Variants in MDGA2 observed in about 807,000 individuals in gnomAD.
MDGA2 encodes MAM domain containing glycosylphosphatidylinositol anchor 2.
A neutral mutation model predicts 117.8 loss-of-function variants in MDGA2; 40 were observed. The ratio of observed to expected loss-of-function variants is 0.34; its 90% CI spans 0.26 to 0.44. The LOEUF is 0.44. MDGA2 is among the 20% of genes least tolerant of loss of function. MDGA2 has a pLI of 1.00. For missense variants in MDGA2, 1,123 were observed against 1,250.6 expected, an observed-to-expected ratio of 0.90 and a Z score of 1.54; for synonymous variants, 452 against 439.0, an observed-to-expected ratio of 1.03 and a Z score of -0.37.
intron 5 of MDGA2, among the ~76,000 whole-genome samples, chr14:47,127,427 A>G (rs1157373547): frequency 6.6e-6 from 1 of 152,154 alleles, no homozygotes. Context: ...TGAAATTCAC[A>G]AACCCTTCCA....
chr14:47,035,471 CTTAA>C (rs1199915107), intron 7 of MDGA2, among the ~76,000 whole-genome samples, 167 bp from the exon 8 acceptor site: 2 of 152,150 alleles, frequency 1.3e-5, no homozygotes, highest in Non-Finnish European at 1.5e-5. Flanking sequence ...GAAAATCATT[CTTAA>C]TTGTTTTCAC....
chr14:47,515,054 C>T (rs562716638), intron 1 of MDGA2, among the ~76,000 whole-genome samples: 2 of 152,248 alleles, frequency 1.3e-5, no homozygotes, highest in Non-Finnish European at 2.9e-5. Context: ...ATAAACTTTA[C>T]TGAATAAACA....
intron 8 of MDGA2, among the ~76,000 whole-genome samples, chr14:47,008,496 T>C (rs1887788421): frequency 6.6e-6 from 1 of 151,870 alleles, no homozygotes; most frequent in African/African-American, 2.4e-5. Flanking sequence ...GTTTCTACAG[T>C]TAAGAAGCAT....
In MDGA2 at chr14:47,314,610, C is replaced by G. The variant is rs752438988; in HGVS notation, c.281-13060G>C. 1.1e-4 allele frequency among the ~76,000 whole-genome samples: 16 copies of G among 151,190 alleles called. No individual in the cohort carries two copies. The East Asian group carries it at 1.9e-3, about 18-fold the overall frequency. ...GGAGGGTCCCTTGAGTCCAGGAGGT[C>G]GAGGCAGCAGTGAGCTATAATTGCA... On this transcript the variant is annotated intron_variant, in intron 1 of 16. Transcript: ENST00000399232.
chr14:46,990,852 GAACA>G (rs1887060131), intron 8 of MDGA2, among the ~76,000 whole-genome samples: 1 of 124,604 alleles, frequency 8.0e-6, no homozygotes, highest in Non-Finnish European at 1.7e-5. Context: ...ATATGGATTA[GAACA>G]CACACACACC....
chr14:47,176,753 T>C (rs1008631336), intron 3 of MDGA2, among the ~76,000 whole-genome samples: 16 of 152,316 alleles, frequency 1.1e-4, no homozygotes, highest in Middle Eastern at 3.4e-3. Context: ...AAAGACTTCA[T>C]GTCTAAAACA....
chr14:47,257,359 T>G (rs1401877171), intron 2 of MDGA2, among the ~76,000 whole-genome samples: 1 of 152,156 alleles, frequency 6.6e-6, no homozygotes, highest in Admixed American at 6.6e-5. Flanking sequence ...GATATTTACA[T>G]GTGTCACTCC....
intron 8 of MDGA2, among the ~76,000 whole-genome samples, chr14:47,018,923 T>C (rs1888185362): frequency 2.0e-5 from 3 of 152,134 alleles, no homozygotes; most frequent in Admixed American, 2.0e-4. Flanking sequence ...CCGTCCGTCC[T>C]CTGTGTTCAC....
intron 8 of MDGA2, among the ~76,000 whole-genome samples, chr14:47,008,480 C>G (rs569658941): frequency 2.0e-5 from 3 of 151,956 alleles, no homozygotes; most frequent in Admixed American, 2.0e-4. Context: ...AGACTGATAT[C>G]CCTTGGTTTC....
chr14:47,321,196 T>C (rs991852186), intron 1 of MDGA2, among the ~76,000 whole-genome samples: 1 of 152,188 alleles, frequency 6.6e-6, no homozygotes, highest in Non-Finnish European at 1.5e-5. Context: ...AAAGTGACTC[T>C]GTACTCAGTT....
At chr14:47,271,107 G>A (rs1159661009) in intron 2 of MDGA2, among the ~76,000 whole-genome samples, 1 of 152,270 alleles carries the variant, frequency 6.6e-6, no homozygotes, top group East Asian at 1.9e-4. Context: ...TATTATCAGA[G>A]AGAGGAACTT....
At chr14:46,881,716 GT>G (rs1378723402) in intron 11 of MDGA2, among the ~76,000 whole-genome samples, 1 of 151,920 alleles carries the variant, frequency 6.6e-6, no homozygotes, top group African/African-American at 2.4e-5. Flanking sequence ...TTCTTAAAAA[GT>G]TTTAAAGTCA....
At chr14:47,273,137 G>A (rs1888201879) in intron 2 of MDGA2, among the ~76,000 whole-genome samples, 5 of 152,038 alleles carry the variant, frequency 3.3e-5, no homozygotes, top group Admixed American at 3.3e-4. Flanking sequence ...GATTTTGGTG[G>A]AACAAAGAGT....
intron 8 of MDGA2, among the ~76,000 whole-genome samples, chr14:46,957,846 T>A (rs1211415700): frequency 6.6e-6 from 1 of 152,160 alleles, no homozygotes; most frequent in Non-Finnish European, 1.5e-5. Context: ...TAAATGAGCC[T>A]CCTTGCTTTA....
At chr14:46,886,483 G>A (rs1882682158) in intron 10 of MDGA2, among the ~76,000 whole-genome samples, 1 of 151,940 alleles carries the variant, frequency 6.6e-6, no homozygotes, top group African/African-American at 2.4e-5. Flanking sequence ...AAGAAATGAA[G>A]AGAAATAATA....
intron 10 of MDGA2, among the ~76,000 whole-genome samples, chr14:46,897,194 CTTATAT>C (rs1264410655): frequency 2.6e-5 from 4 of 152,066 alleles, no homozygotes; most frequent in Non-Finnish European, 1.5e-5. Context: ...TACTAACATA[CTTATAT>C]TTACTAAGCA....
rs185197876 is a variant in MDGA2, at chr14:47,523,224, G to A, written c.280+151293C>T. On this transcript the variant is annotated intron_variant, in intron 1 of 16. Transcript: ENST00000399232. The stretch of plus-strand genomic sequence containing the variant: ...CAAGTCCATATTTCTCGCTTATTCA[G>A]GTTTCACATGACAAAACACCCGGTA... 3.9e-5 allele frequency among the ~76,000 whole-genome samples: 6 copies of A among 152,140 alleles called. No homozygotes were observed. In the East Asian group the frequency reaches 9.7e-4, roughly 24 times the overall value.
At chr14:47,253,985 G>A (rs935721680) in intron 2 of MDGA2, among the ~76,000 whole-genome samples, 1 of 152,220 alleles carries the variant, frequency 6.6e-6, no homozygotes, top group Non-Finnish European at 1.5e-5. Context: ...TGAAGCAATG[G>A]CCCGAGTTGT....
intron 2 of MDGA2, among the ~76,000 whole-genome samples, chr14:47,226,287 T>G (rs897757445): frequency 4.0e-5 from 6 of 151,532 alleles, no homozygotes; most frequent in African/African-American, 1.2e-4. Flanking sequence ...GAACAAGGGA[T>G]TCACAAAGTA....
Sources: allele counts gnomAD v4.1 joint callset (sites outside exome capture counted in the v4.1 genomes callset), GRCh38; gene constraint gnomAD v4.1.1; transcripts MANE v1.5; gene names NCBI Gene and HGNC (gene_info 2026-07-23, HGNC 2026-07-21).